The following DAB1 variants were observed in gnomAD, a reference collection of about 807,000 sequenced individuals.
DAB1 encodes DAB adaptor protein 1, also known as disabled homolog 1.
In DAB1, 15 loss-of-function variants were observed where a neutral mutation model predicts 64.6. The ratio of observed to expected loss-of-function variants is 0.23; its 90% confidence interval spans 0.16 to 0.36. The LOEUF (loss-of-function observed/expected upper bound fraction) is 0.36. Among genes scored for constraint, DAB1 ranks in the 10% least tolerant of loss-of-function variants. The pLI is 1.00. For synonymous variants in DAB1, 235 were observed against 251.9 expected (o/e 0.93, Z 0.64); for missense variants, 596 against 706.7 (o/e 0.84, Z 1.78).
intron 1 of DAB1, among the ~76,000 whole-genome samples, chr1:57,410,029 A>C (rs1683982752): frequency 6.6e-6 from 1 of 152,200 alleles, no homozygotes; most frequent in Non-Finnish European, 1.5e-5. Flanking sequence ...ACAAACCTTT[A>C]GGCCTTTTTG....
intron 3 of DAB1, among the ~76,000 whole-genome samples, chr1:58,416,355 C>A (rs78505535): frequency 6.6e-6 from 1 of 152,198 alleles, no homozygotes; most frequent in African/African-American, 2.4e-5. Flanking sequence ...CATTTGGAGA[C>A]TGGGTATAAT....
chr1:57,683,969 C>T (rs936819136), intron 6 of DAB1, among the ~76,000 whole-genome samples: 3 of 151,930 alleles, frequency 2.0e-5, no homozygotes, highest in African/African-American at 7.3e-5. Flanking sequence ...TTTTATAATA[C>T]AATTGGAAGT....
At chr1:57,022,399 C>G (rs1198341516) in intron 11 of DAB1, among the ~76,000 whole-genome samples, 4 of 152,130 alleles carry the variant, frequency 2.6e-5, no homozygotes, top group Admixed American at 6.5e-5. Flanking sequence ...CATCACTATC[C>G]CTTTTTAAAG....
chr1:58,196,712 T>C (rs1570472057), intron 4 of DAB1, among the ~76,000 whole-genome samples: 1 of 152,136 alleles, frequency 6.6e-6, no homozygotes, highest in Non-Finnish European at 1.5e-5. Flanking sequence ...CAGGGAAAAC[T>C]GCCACTTATA....
Position 57,159,997 on chromosome 1 carries a change from C to A in DAB1, c.68-14568G>T, listed in dbSNP as rs567348144. Among the ~76,000 whole-genome samples, 6 of 152,084 alleles carry A rather than the reference C, an allele frequency of 3.9e-5. No homozygotes were observed. The East Asian group carries it at 1.2e-3, about 29-fold the overall frequency. On this transcript the variant is annotated intron_variant, in intron 2 of 14. Transcript: ENST00000371236. ...GCCTATCCTGCTCATCTGGGCAAAT[C>A]AAGGAGTGACTAGTCTGACTTTAAA...
upstream of DAB1, among the ~76,000 whole-genome samples, chr1:57,425,859 C>G (rs1359904497): frequency 1.3e-5 from 2 of 152,116 alleles, no homozygotes; most frequent in African/African-American, 4.8e-5. Flanking sequence ...ACAATTGACA[C>G]CAGATATGCT....
intron 2 of DAB1, among the ~76,000 whole-genome samples, chr1:57,240,833 C>T (rs960089722): frequency 6.6e-6 from 1 of 152,086 alleles, no homozygotes; most frequent in African/African-American, 2.4e-5. Context: ...TAAGAAACAC[C>T]CTTACTATCA....
At chr1:58,274,774 T>A (rs1661396779) in intron 4 of DAB1, among the ~76,000 whole-genome samples, 1 of 152,120 alleles carries the variant, frequency 6.6e-6, no homozygotes, top group South Asian at 2.1e-4. Context: ...ATTTTCCAGG[T>A]GCGTCCGTCA....
At chr1:57,478,760 C>CT (rs547570817) in intron 7 of DAB1, among the ~76,000 whole-genome samples, 169 of 143,682 alleles carry the variant, frequency 1.2e-3, no homozygotes, top group Middle Eastern at 7.0e-3. Flanking sequence ...GCCCAGCTAA[C>CT]TTTTTTTTTT....
intron 7 of DAB1, among the ~76,000 whole-genome samples, chr1:57,471,008 A>G (rs1406612791): frequency 6.6e-6 from 1 of 152,228 alleles, no homozygotes; most frequent in Non-Finnish European, 1.5e-5. Context: ...AAAAACCATC[A>G]GCACAGTTCA....
chr1:57,252,396 C>G (rs935454770), intron 2 of DAB1, among the ~76,000 whole-genome samples: 2 of 152,116 alleles, frequency 1.3e-5, no homozygotes, highest in African/African-American at 4.8e-5. Context: ...TTGATAATAA[C>G]AATAAACCTC....
chr1:57,227,804 G>T (rs543042428), intron 2 of DAB1, among the ~76,000 whole-genome samples: 1 of 152,186 alleles, frequency 6.6e-6, no homozygotes, highest in South Asian at 2.1e-4. Flanking sequence ...CTATCCTCCT[G>T]CCTCGTCCTC....
intron 5 of DAB1, among the ~76,000 whole-genome samples, chr1:57,984,247 AGAAAGAAAGAAAG>A (rs1557595141): frequency 4.7e-5 from 7 of 147,968 alleles, no homozygotes; most frequent in African/African-American, 7.5e-5. Context: ...AAAGAAAGAA[AGAAAGAAAGAAAG>A]AAAAAAAATT....
intron 7 of DAB1, among the ~76,000 whole-genome samples, chr1:57,553,718 G>T (rs1204313777): frequency 1.3e-5 from 2 of 152,012 alleles, no homozygotes; most frequent in African/African-American, 4.8e-5. Flanking sequence ...CAATAGGAGC[G>T]ATGAGCCTAG....
chr1:57,264,718 C>T (rs1223124319), intron 2 of DAB1, among the ~76,000 whole-genome samples: 1 of 152,184 alleles, frequency 6.6e-6, no homozygotes, highest in Non-Finnish European at 1.5e-5. Context: ...GGCTCTCACT[C>T]ACCCTGGGTC....
At chr1:57,781,410 T>C (rs977437302) in intron 6 of DAB1, among the ~76,000 whole-genome samples, 1 of 151,806 alleles carries the variant, frequency 6.6e-6, no homozygotes, top group Non-Finnish European at 1.5e-5. Context: ...CTCTATTTCA[T>C]GGAGGTAAGA....
upstream of DAB1, among the ~76,000 whole-genome samples, chr1:57,427,895 T>A (rs1373339931): frequency 6.6e-6 from 1 of 152,192 alleles, no homozygotes; most frequent in Admixed American, 6.5e-5. Context: ...GGGCAGGGCA[T>A]GGTGGCTCAC....
At chr1:57,623,908 T>A (rs1645891428) in intron 7 of DAB1, among the ~76,000 whole-genome samples, 1 of 152,290 alleles carries the variant, frequency 6.6e-6, no homozygotes, top group Admixed American at 6.5e-5. Context: ...GGGGAGTCCA[T>A]GAGAGAATTC....
chr1:57,308,908 A>G (rs1402055651), intron 1 of DAB1, among the ~76,000 whole-genome samples: 1 of 151,530 alleles, frequency 6.6e-6, no homozygotes, highest in Non-Finnish European at 1.5e-5. Context: ...TTTAAAGATG[A>G]AAAAAAAACT....
Sources: gnomAD v4.1 joint callset for allele counts (sites outside exome capture counted in the v4.1 genomes callset) on GRCh38, gnomAD v4.1.1 for gene constraint, MANE v1.5 for transcripts, NCBI Gene and HGNC (gene_info 2026-07-23, HGNC 2026-07-21) for gene names.